The following TNFRSF21 variants were observed in gnomAD, a reference collection of about 807,000 sequenced individuals.
TNFRSF21 encodes TNF receptor superfamily member 21, also known as tumor necrosis factor receptor superfamily member 21.
In TNFRSF21, 19 loss-of-function variants were observed where a neutral mutation model predicts 45.6. That is an observed-to-expected ratio of 0.42 (90% confidence interval 0.29 to 0.61). TNFRSF21 has a LOEUF of 0.61. Among genes scored for constraint, TNFRSF21 ranks in the 20% least tolerant of loss-of-function variants. The probability of loss-of-function intolerance (pLI) is 0.23; values close to 1 mark genes in which losing one functional copy is unlikely to be tolerated. For missense variants in TNFRSF21, 737 were observed against 851.5 expected, an observed-to-expected ratio of 0.87 and a Z score of 1.67; for synonymous variants, 314 against 335.5, an observed-to-expected ratio of 0.94 and a Z score of 0.70.
intron 3 of TNFRSF21, among the ~76,000 whole-genome samples, chr6:47,255,841 A>G (rs541348209): frequency 3.5e-4 from 53 of 152,154 alleles, no homozygotes; most frequent in Non-Finnish European, 6.5e-4. Flanking sequence ...CTTAAAAAAT[A>G]TTTACTACTC....
rs1437412790 is a variant in TNFRSF21, at chr6:47,284,168, T to G, written c.1013A>C (p.Gln338Pro). The change falls in exon 3 of 6, where the codon CAG (glutamine) becomes CCG (proline). Residue 338 changes from glutamine (Q) to proline (P), a missense_variant. Coordinates refer to ENST00000296861, the MANE Select transcript of TNFRSF21 (RefSeq NM_014452.5). ...GATGTCAAAATGCTTGTGTAGGTTC[T>G]GTCTAGGATGTCCCCTCTTGGGGCC... is the stretch of plus-strand genomic sequence containing the variant. ...IKGPKRGHPR[Q>P]NLHKHFDINE... The G allele has an allele frequency of 6.2e-7, 1 of 1,614,234 alleles. No individual in the cohort carries two copies. The highest frequency in any genetic ancestry group is 1.1e-5 in the South Asian group (1 of 91,082).
chr6:47,286,359 C>T lies in TNFRSF21; in HGVS notation c.333G>A (p.Gln111=). ...TCTCAATCATTGGCCATGGGCATGG[C>T]TGACTACAGTCATGGCATTTCTCTA... is the stretch of plus-strand genomic sequence containing the variant. ...NGIEKCHDCS[Q]PCPWPMIEKL... is the part of the protein sequence containing the mutation. Residue 111 remains glutamine, a synonymous_variant, in exon 2 of 6, where the codon CAG becomes CAA. Coordinates refer to ENST00000296861, the MANE Select transcript of TNFRSF21 (RefSeq NM_014452.5). The T allele has an allele frequency of 6.2e-7, 1 of 1,614,242 alleles. No individual in the cohort carries two copies.
intron 1 of TNFRSF21, among the ~76,000 whole-genome samples, chr6:47,306,780 T>C (rs1561955095): frequency 6.6e-6 from 1 of 152,000 alleles, no homozygotes; most frequent in Non-Finnish European, 1.5e-5. Flanking sequence ...AAAAGGGAGA[T>C]ATTTGAAAGA....
chr6:47,244,244 A>G (rs1047207378), intron 4 of TNFRSF21, among the ~76,000 whole-genome samples: 2 of 149,894 alleles, frequency 1.3e-5, no homozygotes, highest in Non-Finnish European at 2.9e-5. Context: ...GAATGGCGTG[A>G]ACCCGGGAGG....
At chr6:47,300,110 C>T (rs752140407) in intron 1 of TNFRSF21, among the ~76,000 whole-genome samples, 2 of 152,110 alleles carry the variant, frequency 1.3e-5, no homozygotes, top group African/African-American at 2.4e-5. Flanking sequence ...AACACAGTGC[C>T]GACTGGAGGG....
At chr6:47,239,536 GC>G (rs1465194143) in intron 4 of TNFRSF21, among the ~76,000 whole-genome samples, 1 of 152,162 alleles carries the variant, frequency 6.6e-6, no homozygotes, top group African/African-American at 2.4e-5. Flanking sequence ...AGATCTGGCA[GC>G]ATTCTTGGGT....
intron 4 of TNFRSF21, among the ~76,000 whole-genome samples, chr6:47,237,467 C>A (rs1465246349): frequency 1.3e-5 from 2 of 152,118 alleles, no homozygotes; most frequent in African/African-American, 4.8e-5. Context: ...TTTATTAATT[C>A]TGAAAGTTTA....
chr6:47,287,081 G>T (rs757095269), intron 1 of TNFRSF21, among the ~76,000 whole-genome samples: 2 of 151,940 alleles, frequency 1.3e-5, no homozygotes, highest in Non-Finnish European at 2.9e-5. Flanking sequence ...GCTAAGGCAC[G>T]CAGATCACCT....
intron 1 of TNFRSF21, among the ~76,000 whole-genome samples, chr6:47,304,687 T>C (rs1043156490): frequency 6.6e-6 from 1 of 152,240 alleles, no homozygotes; most frequent in African/African-American, 2.4e-5. Flanking sequence ...GGTGGATATA[T>C]GCCTTTTCAA....
At chr6:47,277,089 G>A (rs1265672764) in intron 3 of TNFRSF21, among the ~76,000 whole-genome samples, 3 of 152,180 alleles carry the variant, frequency 2.0e-5, no homozygotes, top group African/African-American at 7.2e-5. Context: ...TGCCTCCTGA[G>A]TTCCAGTGAT....
chr6:47,249,158 A>G (rs185288143), intron 4 of TNFRSF21, among the ~76,000 whole-genome samples: 18 of 152,328 alleles, frequency 1.2e-4, no homozygotes, highest in Non-Finnish European at 2.5e-4. Context: ...TTACTCCTTC[A>G]GATTATATAA....
At chr6:47,250,564 T>C (rs1036086172) in intron 4 of TNFRSF21, among the ~76,000 whole-genome samples, 6 of 152,178 alleles carry the variant, frequency 3.9e-5, no homozygotes, top group African/African-American at 1.4e-4. Context: ...TAGTGGAACA[T>C]AACATAGGCA....
chr6:47,289,377 C>A (rs1254091696), intron 1 of TNFRSF21, among the ~76,000 whole-genome samples: 1 of 152,124 alleles, frequency 6.6e-6, no homozygotes, highest in African/African-American at 2.4e-5. Flanking sequence ...TCCCCTGTCC[C>A]AGAGCTGCCT....
chr6:47,283,243 A>G (rs1050503152), intron 3 of TNFRSF21, among the ~76,000 whole-genome samples: 1 of 152,118 alleles, frequency 6.6e-6, no homozygotes, highest in African/African-American at 2.4e-5. Context: ...TTTGCCCTCA[A>G]AAGAGGAAAG....
At chr6:47,292,452 G>A (rs928828200) in intron 1 of TNFRSF21, among the ~76,000 whole-genome samples, 1 of 151,790 alleles carries the variant, frequency 6.6e-6, no homozygotes. Context: ...AATTTATTTG[G>A]TTTTAGCTTT....
intron 1 of TNFRSF21, among the ~76,000 whole-genome samples, chr6:47,287,502 T>C (rs1762668587): frequency 6.6e-6 from 1 of 152,142 alleles, no homozygotes; most frequent in South Asian, 2.1e-4. Context: ...AATGTACTCT[T>C]TCTATTTAAG....
intron 1 of TNFRSF21, among the ~76,000 whole-genome samples, chr6:47,308,367 CTT>C (rs1372879386): frequency 6.6e-6 from 1 of 152,196 alleles, no homozygotes; most frequent in Non-Finnish European, 1.5e-5. Flanking sequence ...AAAACAAGCT[CTT>C]GTTTCTTGGG....
chr6:47,251,108 C>T (rs1764896113), intron 4 of TNFRSF21, among the ~76,000 whole-genome samples: 2 of 152,008 alleles, frequency 1.3e-5, no homozygotes, highest in South Asian at 4.2e-4. Context: ...AAAACACTTC[C>T]AGTCCCAAGC....
At chr6:47,294,459 C>T (rs573845057) in intron 1 of TNFRSF21, among the ~76,000 whole-genome samples, 3 of 152,222 alleles carry the variant, frequency 2.0e-5, no homozygotes, top group Non-Finnish European at 2.9e-5. Context: ...GGTTTAAAAG[C>T]GAGCAGGAGA....
Sources: allele counts gnomAD v4.1 joint callset (sites outside exome capture counted in the v4.1 genomes callset), GRCh38; gene constraint gnomAD v4.1.1; transcripts MANE v1.5; gene names NCBI Gene and HGNC (gene_info 2026-07-23, HGNC 2026-07-21).